Variants in HCLS1 observed in about 807,000 individuals in gnomAD.
The protein encoded by HCLS1 is hematopoietic lineage cell-specific protein.
In HCLS1, 44 loss-of-function variants were observed where a neutral mutation model predicts 68.6. The observed-to-expected ratio is 0.64, with a 90% CI of 0.50 to 0.82. The LOEUF is 0.82. HCLS1 is among the 40% of genes least tolerant of loss of function. The pLI is 0.00. For synonymous variants in HCLS1, 217 were observed against 225.8 expected (o/e 0.96, Z 0.35); for missense variants, 602 against 612.1 (o/e 0.98, Z 0.17).
chr3:121,655,113 T>C (rs1318450456), intron 3 of HCLS1, among the ~76,000 whole-genome samples: 2 of 152,190 alleles, frequency 1.3e-5, no homozygotes, highest in Non-Finnish European at 2.9e-5. Context: ...TTCTATCTGA[T>C]AGATTCAGTT....
chr3:121,637,231 C>CCGGCCA lies in HCLS1; in HGVS notation c.474_479dup (p.Gly159_Arg160dup). The CCGGCCA allele has an allele frequency of 6.2e-7, 1 of 1,613,904 alleles. No individual in the cohort carries two copies. On this transcript the variant is annotated inframe_insertion, in exon 7 of 14. Transcript: ENST00000314583. The stretch of plus-strand genomic sequence containing the variant: ...CCCATTTATCCTTCTCCACCCCGTA[C>CCGGCCA]CGGCCACCAAAGCCACGAGAGTAAT...
chr3:121,650,313 T>C (rs1443551650), intron 3 of HCLS1, among the ~76,000 whole-genome samples: 1 of 152,098 alleles, frequency 6.6e-6, no homozygotes, highest in East Asian at 1.9e-4. Flanking sequence ...AGGAATTGAC[T>C]AGTGAATTAT....
At chr3:121,640,560 G>A (rs2049187489) in intron 6 of HCLS1, among the ~76,000 whole-genome samples, 1 of 151,692 alleles carries the variant, frequency 6.6e-6, no homozygotes, top group African/African-American at 2.4e-5. Flanking sequence ...GTGGCACAGG[G>A]AACCATAATG....
intron 4 of HCLS1, 115 bp from the exon 5 acceptor site, chr3:121,645,043 T>C: frequency 2.6e-6 from 2 of 772,948 alleles, no homozygotes; most frequent in Non-Finnish European, 4.3e-6. Context: ...GTCAGATCTA[T>C]AGCCTCTGAC....
chr3:121,636,355 G>T, intron 8 of HCLS1, 79 bp downstream of exon 8: 1 of 1,218,522 alleles, frequency 8.2e-7, no homozygotes, highest in Non-Finnish European at 1.2e-6. Context: ...CCCTCTCCCA[G>T]CCTTCTTCAC....
At chr3:121,640,902 A>G (rs2049192383) in intron 6 of HCLS1, among the ~76,000 whole-genome samples, 1 of 151,712 alleles carries the variant, frequency 6.6e-6, no homozygotes, top group African/African-American at 2.4e-5. Flanking sequence ...AAGGGAAGAT[A>G]TTTGAAAGAA....
chr3:121,639,563 T>TTGTTG (rs1560139292), intron 6 of HCLS1, among the ~76,000 whole-genome samples: 3 of 146,528 alleles, frequency 2.0e-5, no homozygotes, highest in African/African-American at 7.7e-5. Flanking sequence ...TGTTGTTGTT[T>TTGTTG]TTTGAGACAG....
intron 4 of HCLS1, among the ~76,000 whole-genome samples, chr3:121,646,744 T>C: frequency 7.5e-6 from 1 of 133,078 alleles, no homozygotes; most frequent in South Asian, 2.2e-4. Context: ...TAAGTATATA[T>C]AATAAATATA....
chr3:121,645,243 A>G lies in HCLS1; in HGVS notation c.289-315T>C, dbSNP rs546961493. 3.7e-4 allele frequency among the ~76,000 whole-genome samples: 57 copies of G among 152,334 alleles called. 1 individual carries two copies. The South Asian group carries it at 0.012, about 31-fold the overall frequency. Reference sequence around the variant, plus strand: ...ACCAGAAACAAAAAGAGCTGAAACAAGAGCATTGTGCAGCAGAACAGAGTG... The same window carrying G: ...ACCAGAAACAAAAAGAGCTGAAACAGGAGCATTGTGCAGCAGAACAGAGTG... On this transcript the variant is annotated intron_variant, in intron 4 of 13. Coordinates refer to ENST00000314583, the MANE Select transcript of HCLS1 (RefSeq NM_005335.6).
At chr3:121,636,550 G>T in intron 7 of HCLS1, 61 bp from the exon 8 acceptor site, 1 of 1,230,528 alleles carries the variant, frequency 8.1e-7, no homozygotes, top group Non-Finnish European at 1.2e-6. Context: ...GTGGTGAGAA[G>T]AATCAGTGGG....
chr3:121,647,781 C>T (rs1576466631), intron 3 of HCLS1, among the ~76,000 whole-genome samples: 1 of 152,132 alleles, frequency 6.6e-6, no homozygotes, highest in East Asian at 1.9e-4. Context: ...ATTTTCTTTT[C>T]TGAATGGATC....
intron 6 of HCLS1, among the ~76,000 whole-genome samples, chr3:121,640,715 A>T (rs2107464900): frequency 6.7e-6 from 1 of 150,082 alleles, no homozygotes; most frequent in East Asian, 2.0e-4. Flanking sequence ...ACTTCAGCCC[A>T]GGAGTTTGAG....
intron 3 of HCLS1, among the ~76,000 whole-genome samples, chr3:121,652,740 G>A (rs1268197848): frequency 6.6e-6 from 1 of 152,170 alleles, no homozygotes; most frequent in East Asian, 1.9e-4. Context: ...CTCATAAAGA[G>A]GTTTGTTTAT....
intron 13 of HCLS1, 21 bp from the exon 14 acceptor site, chr3:121,632,003 A>G (rs368270663): frequency 8.1e-6 from 13 of 1,613,990 alleles, no homozygotes; most frequent in African/African-American, 1.3e-5. Flanking sequence ...AGTTGAGGGG[A>G]TATTAGAATG....
chr3:121,656,535 C>T (rs1044595655), intron 3 of HCLS1, among the ~76,000 whole-genome samples: 1 of 152,006 alleles, frequency 6.6e-6, no homozygotes, highest in Non-Finnish European at 1.5e-5. Context: ...CTGGATATGT[C>T]TGTAAGTTCC....
In HCLS1 at chr3:121,660,819, C is replaced by T. The variant is rs1937974473; in HGVS notation, c.-1+1G>A. 6.6e-6 allele frequency: 1 copy of T among 152,502 alleles called. No homozygotes were observed. The highest frequency in any genetic ancestry group is 2.4e-5 in the African/African-American group (1 of 41,456). The allele number at this position is 152,502 out of a possible 1,614,324, so 9.4% of individuals were successfully genotyped here. A position where few individuals can be genotyped will look rare whatever the true frequency, so the allele number is the denominator to read the frequency against. ...ACTGTCCCATGGCTCAGAGTACCCA[C>T]CTCCACCTGTGCAAGCCTCTGTTCT... On this transcript the variant is annotated splice_donor_variant, in intron 1 of 13. Transcript: ENST00000314583. LOFTEE classifies it low-confidence loss of function (5UTR_SPLICE).
intron 1 of HCLS1, among the ~76,000 whole-genome samples, 171 bp downstream of exon 1, chr3:121,660,649 A>G (rs1414859903): frequency 6.6e-6 from 1 of 152,130 alleles, no homozygotes; most frequent in Non-Finnish European, 1.5e-5. Context: ...TTTTGTTTCT[A>G]TCTCCAGATG....
At chr3:121,659,753 G>A (rs1226373249) in intron 1 of HCLS1, among the ~76,000 whole-genome samples, 1 of 150,064 alleles carries the variant, frequency 6.7e-6, no homozygotes, top group African/African-American at 2.5e-5. Context: ...CCTGGCTCCT[G>A]GGCTGCTGTG....
intron 3 of HCLS1, chr3:121,655,971 C>A (rs1337038700): frequency 2.0e-5 from 3 of 151,846 alleles, no homozygotes; most frequent in Non-Finnish European, 4.4e-5. Flanking sequence ...GCTTCGGCCT[C>A]CTGAGTAGCT....
Sources: gnomAD v4.1 joint callset for allele counts (sites outside exome capture counted in the v4.1 genomes callset) on GRCh38, gnomAD v4.1.1 for gene constraint, MANE v1.5 for transcripts, NCBI Gene and HGNC (gene_info 2026-07-23, HGNC 2026-07-21) for gene names.